Variants in ITGA9 observed in about 807,000 individuals in gnomAD.
ITGA9 encodes integrin subunit alpha 9, also known as integrin alpha-9.
ITGA9 carries 56 observed loss-of-function variants against 127.8 expected under a neutral mutation model. That is an observed-to-expected ratio of 0.44 (90% CI 0.35 to 0.55). ITGA9 has a LOEUF of 0.55. ITGA9 is among the 20% of genes least tolerant of loss of function. ITGA9 has a pLI of 0.00. For missense variants in ITGA9, 1,196 were observed against 1,347.1 expected, an observed-to-expected ratio of 0.89 and a Z score of 1.76; for synonymous variants, 508 against 514.5, an observed-to-expected ratio of 0.99 and a Z score of 0.17.
chr3:37,684,563 C>T (rs111391949), intron 18 of ITGA9, among the ~76,000 whole-genome samples: 1,702 of 152,310 alleles, frequency 0.011, 42 homozygotes, highest in African/African-American at 0.039. Context: ...GCAACCTCCA[C>T]CTCCTGAGTT....
intron 15 of ITGA9, among the ~76,000 whole-genome samples, chr3:37,605,670 CTA>C (rs1393956513): frequency 6.6e-6 from 1 of 152,038 alleles, no homozygotes; most frequent in Non-Finnish European, 1.5e-5. Flanking sequence ...CTTATCTGAG[CTA>C]TAATATGATT....
intron 17 of ITGA9, among the ~76,000 whole-genome samples, chr3:37,659,695 T>G (rs887805248): frequency 6.6e-6 from 1 of 152,110 alleles, no homozygotes; most frequent in Non-Finnish European, 1.5e-5. Context: ...TTCATCAGAC[T>G]CATTCTCCAT....
chr3:37,781,871 C>T (rs1027931021), intron 25 of ITGA9, among the ~76,000 whole-genome samples: 1 of 152,200 alleles, frequency 6.6e-6, no homozygotes, highest in African/African-American at 2.4e-5. Context: ...AATCTGTAGC[C>T]GTTACAGCCC....
chr3:37,790,711 C>T, intron 26 of ITGA9: 1 of 183,402 alleles, frequency 5.5e-6, no homozygotes, highest in South Asian at 1.4e-4. Context: ...CCAGCCACAT[C>T]AGCCAGACCT....
chr3:37,736,784 A>C (rs528888232), intron 19 of ITGA9, 120 bp from the exon 20 acceptor site: 2 of 749,732 alleles, frequency 2.7e-6, no homozygotes, highest in Non-Finnish European at 4.8e-6. Flanking sequence ...AAAGCTATAC[A>C]TAAAACTAAA....
intron 15 of ITGA9, among the ~76,000 whole-genome samples, chr3:37,573,372 C>T (rs1456991981): frequency 1.3e-5 from 2 of 152,202 alleles, no homozygotes; most frequent in Non-Finnish European, 2.9e-5. Flanking sequence ...TAACAAATGA[C>T]TCCAAAACTT....
At chr3:37,789,885 A>G in intron 26 of ITGA9, 1 of 536,772 alleles carries the variant, frequency 1.9e-6, no homozygotes, top group East Asian at 5.4e-5. Flanking sequence ...ATGAGGGATG[A>G]GGAGTACACA....
At chr3:37,582,940 A>G (rs1699724003) in intron 15 of ITGA9, among the ~76,000 whole-genome samples, 1 of 152,168 alleles carries the variant, frequency 6.6e-6, no homozygotes, top group Non-Finnish European at 1.5e-5. Context: ...CTGCCCTTTA[A>G]TATTTATTGA....
chr3:37,656,598 T>A (rs1310152144), intron 17 of ITGA9, among the ~76,000 whole-genome samples: 1 of 152,162 alleles, frequency 6.6e-6, no homozygotes, highest in Non-Finnish European at 1.5e-5. Flanking sequence ...GGGCTGAGAC[T>A]ATGGGGTTTT....
At chr3:37,758,196 G>A (rs975635318) in intron 23 of ITGA9, among the ~76,000 whole-genome samples, 5 of 149,608 alleles carry the variant, frequency 3.3e-5, no homozygotes, top group Middle Eastern at 3.4e-3. Context: ...GGTGGCGGGC[G>A]CCTGTAGTCC....
intron 26 of ITGA9, among the ~76,000 whole-genome samples, 161 bp downstream of exon 26, chr3:37,785,239 C>A (rs1370246841): frequency 1.3e-5 from 2 of 152,192 alleles, no homozygotes; most frequent in Non-Finnish European, 2.9e-5. Context: ...CAGGCCCCCC[C>A]TGGAGAACTT....
chr3:37,461,293 G>T (rs770832454), intron 1 of ITGA9, among the ~76,000 whole-genome samples: 4 of 152,174 alleles, frequency 2.6e-5, no homozygotes, highest in Non-Finnish European at 4.4e-5. Context: ...CATTAGCCCT[G>T]CCCTCAGCCT....
At chr3:37,745,003 CT>C (rs1403158795) in intron 22 of ITGA9, among the ~76,000 whole-genome samples, 1 of 152,240 alleles carries the variant, frequency 6.6e-6, no homozygotes, top group Non-Finnish European at 1.5e-5. Flanking sequence ...TCCTCACTCT[CT>C]GGTTCTACCT....
At position 37,560,832 on chromosome 3, in the gene ITGA9, A is replaced by G. The variant is rs76283232; in HGVS notation, c.1689+18247A>G. Among the ~76,000 whole-genome samples, 1,423 of 152,344 alleles carry G rather than the reference A, an allele frequency of 9.3e-3. 14 individuals are homozygous for G. The highest frequency in any genetic ancestry group is 0.032 in the African/African-American group (1,327 of 41,574). On this transcript the variant is annotated intron_variant, in intron 15 of 27. Coordinates refer to ENST00000264741, the MANE Select transcript of ITGA9 (RefSeq NM_002207.3). ...CCACAGACTTGTGGTTTATATGAAC[A>G]GAAATGTATTTGCCCACAGTTCTGG...
intron 3 of ITGA9, among the ~76,000 whole-genome samples, chr3:37,477,163 A>G (rs1698502796): frequency 6.6e-6 from 1 of 152,170 alleles, no homozygotes; most frequent in African/African-American, 2.4e-5. Context: ...ATTTACTTTT[A>G]AATTAAAAAT....
chr3:37,794,442 G>C (rs1057342268), intron 26 of ITGA9, among the ~76,000 whole-genome samples: 2 of 152,176 alleles, frequency 1.3e-5, no homozygotes, highest in African/African-American at 4.8e-5. Context: ...GGCTCTAATG[G>C]CCTCAGGAGC....
At chr3:37,682,621 C>G (rs1232732520) in intron 17 of ITGA9, among the ~76,000 whole-genome samples, 1 of 152,194 alleles carries the variant, frequency 6.6e-6, no homozygotes, top group African/African-American at 2.4e-5. Context: ...ACTCATGCAT[C>G]CACCTGCCTC....
At chr3:37,605,182 G>C (rs973936088) in intron 15 of ITGA9, among the ~76,000 whole-genome samples, 3 of 152,124 alleles carry the variant, frequency 2.0e-5, no homozygotes, top group African/African-American at 7.2e-5. Context: ...TGGTTTGGAG[G>C]CAGGAATGGT....
intron 20 of ITGA9, among the ~76,000 whole-genome samples, chr3:37,740,214 G>A (rs1302729676): frequency 6.6e-6 from 1 of 152,162 alleles, no homozygotes; most frequent in Non-Finnish European, 1.5e-5. Flanking sequence ...GCACAGAGCA[G>A]ACAGGGACTC....
Sources: allele counts gnomAD v4.1 joint callset (sites outside exome capture counted in the v4.1 genomes callset), GRCh38; gene constraint gnomAD v4.1.1; transcripts MANE v1.5; gene names NCBI Gene and HGNC (gene_info 2026-07-23, HGNC 2026-07-21).